CLK1: variants seen among roughly 807,000 people sequenced by gnomAD.
CLK1 encodes the protein CDC like kinase 1, also known as dual specificity protein kinase CLK1.
In CLK1, 40 loss-of-function variants were observed where a neutral mutation model predicts 60.9. The ratio of observed to expected loss-of-function variants is 0.66; its 90% CI spans 0.51 to 0.86. The LOEUF is 0.86. CLK1 is among the 40% of genes least tolerant of loss of function. CLK1 has a pLI of 0.00. For synonymous variants in CLK1, 203 were observed against 184.4 expected, an observed-to-expected ratio of 1.10 and a Z score of -0.82; for missense variants, 563 against 606.1, an observed-to-expected ratio of 0.93 and a Z score of 0.75.
At chr2:200,860,518 A>C (rs773532851) in intron 3 of CLK1, 48 of 1,095,952 alleles carry the variant, frequency 4.4e-5, no homozygotes, top group Non-Finnish European at 5.1e-5. Flanking sequence ...GCTTAGTTGT[A>C]GCATTCACTG....
Position 200,853,099 on chromosome 2 carries a change from T to G in CLK1, c.*207A>C. The G allele has an allele frequency of 2.5e-6, 1 of 403,672 alleles. No individual in the cohort carries two copies. The highest frequency in any genetic ancestry group is 4.4e-6 in the Non-Finnish European group (1 of 229,592). 25.0% of individuals were successfully genotyped at this position (403,672 alleles called of 1,614,324 possible). Reference sequence around the variant, plus strand: ...TATCAACTTCATAAGCACAAAAAATTTATTCTGAATAAATCACTTTACAAT... The same window carrying G: ...TATCAACTTCATAAGCACAAAAAATGTATTCTGAATAAATCACTTTACAAT... On this transcript the variant is annotated 3_prime_UTR_variant, in exon 13 of 13. Coordinates refer to ENST00000321356, the MANE Select transcript of CLK1 (RefSeq NM_004071.4).
At chr2:200,857,386 C>G (rs541731915) in intron 7 of CLK1, 2 of 264,524 alleles carry the variant, frequency 7.6e-6, no homozygotes, top group South Asian at 1.5e-4. Context: ...AGAAAATCAC[C>G]AGTAACTAAA....
At chr2:200,859,807 T>C (rs1276763559) in intron 4 of CLK1, 61 bp from the exon 5 acceptor site, 2 of 1,600,830 alleles carry the variant, frequency 1.2e-6, no homozygotes, top group South Asian at 1.1e-5. Flanking sequence ...CTTATCACAA[T>C]AAATGCTATC....
chr2:200,855,646 T>C (rs2039028096), intron 9 of CLK1, among the ~76,000 whole-genome samples: 1 of 142,382 alleles, frequency 7.0e-6, no homozygotes, highest in Non-Finnish European at 1.5e-5. Context: ...ATTATATATA[T>C]ACACATATAT....
In CLK1 at chr2:200,853,535, T is replaced by TAA; in HGVS notation, c.1312-88_1312-87dup. ...AACAGTATAGTAAACCATATATATA[T>TAA]AACCACCATAAAAACAGAAAAGAGG... is the stretch of plus-strand genomic sequence containing the variant. On this transcript the variant is annotated intron_variant, in intron 12 of 12. Coordinates refer to ENST00000321356, the MANE Select transcript of CLK1 (RefSeq NM_004071.4). 2.5e-6 allele frequency: 3 copies of TAA among 1,222,776 alleles called. 1 individual carries two copies. Among genetic ancestry groups the TAA allele is most frequent in the South Asian group, 3.1e-5 (2 of 63,872 alleles). 75.7% of individuals were successfully genotyped at this position (1,222,776 alleles called of 1,614,324 possible).
intron 7 of CLK1, chr2:200,857,327 A>G (rs944726130): frequency 3.7e-6 from 1 of 268,602 alleles, no homozygotes; most frequent in African/African-American, 2.2e-5. Flanking sequence ...AAACCCAACA[A>G]AAAACCTCTG....
At chr2:200,864,186 T>C (rs972898196) in intron 1 of CLK1, 19 of 1,550,766 alleles carry the variant, frequency 1.2e-5, no homozygotes, top group African/African-American at 4.1e-5. Context: ...GCCTCGCCTT[T>C]CCGGCCACAG....
Position 200,858,085 on chromosome 2 carries a change from C to T in CLK1, c.553G>A (p.Gly185Ser). 1.9e-6 allele frequency: 3 copies of T among 1,600,140 alleles called. No homozygotes were observed. Among genetic ancestry groups the T allele is most frequent in the Non-Finnish European group, 2.6e-6 (3 of 1,167,306 alleles). ...ACTATTTTTACTGCTACATGTCTAC[C>T]TCCCCTGTTAGAAAGATGCATGCAA... ...VVECIDHKAGGRHVAVKIVKN... is the reference protein window; with the variant it reads ...VVECIDHKAGSRHVAVKIVKN... The change falls in exon 6 of 13, where the codon GGT becomes AGT. Residue 185 changes from glycine (G) to serine (S), a missense_variant. Physicochemically the swap from Gly to Ser is moderately conservative, Grantham distance 56 (BLOSUM62 0). Around this residue, in one of 3 missense-constraint regions of CLK1, gnomAD observed 360 missense variants for 407.0 expected, o/e 0.88. Coordinates refer to ENST00000321356, the MANE Select transcript of CLK1 (RefSeq NM_004071.4).
intron 4 of CLK1, 45 bp downstream of exon 4, chr2:200,860,073 ATATAGAT>A (rs1342225159): frequency 1.3e-6 from 2 of 1,598,736 alleles, no homozygotes; most frequent in African/African-American, 2.7e-5. Flanking sequence ...CTTAATCTAT[ATATAGAT>A]TATGTTATCT....
intron 12 of CLK1, 51 bp from the exon 13 acceptor site, chr2:200,853,500 TACACTATGTA>T (rs1015920936): frequency 1.6e-5 from 24 of 1,506,608 alleles, no homozygotes; most frequent in Non-Finnish European, 2.2e-5. Context: ...TACCATTGAC[TACACTATGTA>T]ACAGTATAGT....
intron 3 of CLK1, 86 bp from the exon 4 acceptor site, chr2:200,860,301 A>G (rs2039116551): frequency 6.3e-7 from 1 of 1,588,532 alleles, no homozygotes; most frequent in Admixed American, 1.7e-5. Flanking sequence ...AAATTCATTC[A>G]GCGGGGAGAT....
At chr2:200,859,851 C>T (rs947876722) in intron 4 of CLK1, 105 bp from the exon 5 acceptor site, 1 of 1,518,300 alleles carries the variant, frequency 6.6e-7, no homozygotes, top group African/African-American at 1.4e-5. Context: ...CTACAAATTT[C>T]CTTATCACTA....
intron 12 of CLK1, 38 bp from the exon 13 acceptor site, chr2:200,853,487 C>A: frequency 6.3e-7 from 1 of 1,577,688 alleles, no homozygotes. Context: ...CAGCCTTTTC[C>A]ACTACCATTG....
rs996166588 is a variant in CLK1, at chr2:200,853,119, T to C, written c.*187A>G. The stretch of plus-strand genomic sequence containing the variant: ...AAAATTTATTCTGAATAAATCACTT[T>C]ACAATTACTGAAAAAGATGTTCATT... On this transcript the variant is annotated 3_prime_UTR_variant, in exon 13 of 13. Coordinates refer to ENST00000321356, the MANE Select transcript of CLK1 (RefSeq NM_004071.4). The C allele has an allele frequency of 1.5e-5, 7 of 452,268 alleles. No homozygotes were observed. Among genetic ancestry groups the C allele is most frequent in the Non-Finnish European group, 7.7e-6 (2 of 258,908 alleles). 28.0% of individuals were successfully genotyped at this position (452,268 alleles called of 1,614,324 possible). A position where few individuals can be genotyped will look rare whatever the true frequency, so the allele number is the denominator to read the frequency against.
chr2:200,853,129 GAAA>G lies in CLK1; in HGVS notation c.*174_*176del. The G allele has an allele frequency of 2.2e-6, 1 of 459,660 alleles. No individual in the cohort carries two copies. Among genetic ancestry groups the G allele is most frequent in the Non-Finnish European group, 3.8e-6 (1 of 264,282 alleles). The allele number at this position is 459,660 out of a possible 1,614,324, so 28.5% of individuals were successfully genotyped here. ...CTGAATAAATCACTTTACAATTACT[GAAA>G]AAGATGTTCATTACCTTAGCTATGT... On this transcript the variant is annotated 3_prime_UTR_variant, in exon 13 of 13. Transcript: ENST00000321356.
intron 5 of CLK1, among the ~76,000 whole-genome samples, chr2:200,858,898 G>C (rs1463348922): frequency 6.6e-6 from 1 of 151,332 alleles, no homozygotes; most frequent in African/African-American, 2.4e-5. Flanking sequence ...TTCATGGCTG[G>C]AGCCAAGCGC....
chr2:200,862,302 C>CA (rs1171391322), intron 1 of CLK1, among the ~76,000 whole-genome samples: 1 of 152,082 alleles, frequency 6.6e-6, no homozygotes, highest in Non-Finnish European at 1.5e-5. Flanking sequence ...TGAAGATCCA[C>CA]AAAAAAAGTA....
intron 1 of CLK1, chr2:200,864,114 T>G (rs1559329771): frequency 6.5e-7 from 1 of 1,550,050 alleles, no homozygotes. Context: ...AGACAACGTT[T>G]CCCCACAGCT....
chr2:200,854,096 T>C, intron 11 of CLK1, 103 bp from the exon 12 acceptor site: 1 of 691,406 alleles, frequency 1.4e-6, no homozygotes, highest in Non-Finnish European at 2.4e-6. Context: ...TTTCTAGAGA[T>C]TTAAATGGCA....
Sources: allele counts gnomAD v4.1 joint callset (sites outside exome capture counted in the v4.1 genomes callset), GRCh38; gene constraint gnomAD v4.1.1; regional missense constraint gnomAD v4.1.1; transcripts MANE v1.5; gene names NCBI Gene and HGNC (gene_info 2026-07-23, HGNC 2026-07-21).